ARHGEF3: variants seen among roughly 807,000 people sequenced by gnomAD.
The protein encoded by ARHGEF3 is Rho guanine nucleotide exchange factor 3.
Under a neutral mutation model 63.2 loss-of-function variants are expected in ARHGEF3, and 28 were observed. The observed-to-expected ratio is 0.44, with a 90% CI of 0.33 to 0.61. ARHGEF3 has a LOEUF of 0.61. ARHGEF3 is among the 20% of genes least tolerant of loss of function. The probability of loss-of-function intolerance (pLI) is 0.03; values close to 1 mark genes in which losing one functional copy is unlikely to be tolerated. For synonymous variants in ARHGEF3, 266 were observed against 254.2 expected (o/e 1.05, Z -0.44); for missense variants, 533 against 659.3 (o/e 0.81, Z 2.10).
intron 1 of ARHGEF3, among the ~76,000 whole-genome samples, chr3:57,068,410 G>A (rs1352095457): frequency 6.6e-6 from 1 of 152,174 alleles, no homozygotes; most frequent in African/African-American, 2.4e-5. Context: ...ACTCACTGCA[G>A]TGCTGTTTAA....
intron 3 of ARHGEF3, among the ~76,000 whole-genome samples, chr3:56,953,170 C>A (rs1353096370): frequency 6.6e-6 from 1 of 152,196 alleles, no homozygotes; most frequent in African/African-American, 2.4e-5. Context: ...TTGCTGGCTT[C>A]TTTTGCAGTG....
At chr3:56,951,366 A>G (rs1305809306) in intron 3 of ARHGEF3, among the ~76,000 whole-genome samples, 1 of 152,002 alleles carries the variant, frequency 6.6e-6, no homozygotes, top group Non-Finnish European at 1.5e-5. Flanking sequence ...ATCAGCAGCC[A>G]TCATCATTGA....
intron 4 of ARHGEF3, among the ~76,000 whole-genome samples, chr3:56,825,961 G>C (rs537861427): frequency 1.3e-5 from 2 of 152,176 alleles, no homozygotes; most frequent in Non-Finnish European, 2.9e-5. Context: ...CTTCCTTCTA[G>C]TAACTGGTTC....
At chr3:56,752,955 C>G (rs1352228599) in intron 4 of ARHGEF3, among the ~76,000 whole-genome samples, 1 of 152,148 alleles carries the variant, frequency 6.6e-6, no homozygotes, top group Non-Finnish European at 1.5e-5. Flanking sequence ...AGCCTCCAAG[C>G]CATGGAGTTG....
chr3:57,008,002 G>A (rs1437625947), intron 2 of ARHGEF3, among the ~76,000 whole-genome samples: 6 of 152,180 alleles, frequency 3.9e-5, no homozygotes, highest in African/African-American at 1.4e-4. Flanking sequence ...TCCAGGGGCA[G>A]TCTGGACTTT....
rs771018864 is a variant in ARHGEF3 at position 56,729,355 on chromosome 3, G to A, written c.1496C>T (p.Thr499Met). The A allele has an allele frequency of 5.6e-6, 9 of 1,614,062 alleles. No homozygotes were observed. The East Asian group carries it at 6.7e-5, about 12-fold the overall frequency. Residue 499 changes from threonine (T) to methionine (M), a missense_variant, in exon 10 of 10, where the codon ACG becomes ATG. Thr to Met is a moderately conservative substitution (Grantham distance 81). Around this residue, in one of 4 missense-constraint regions of ARHGEF3, gnomAD observed 115 missense variants for 103.4 expected, o/e 1.11. Transcript: ENST00000296315. ...SDSESDCSMDTSEVSLDCERM... is the reference protein window; with the variant it reads ...SDSESDCSMDMSEVSLDCERM... Reference sequence around the variant, plus strand: ...CTCACAGTCGAGGCTGACCTCACTCGTGTCCATACTACAGTCTGACTCACT... The same window carrying A: ...CTCACAGTCGAGGCTGACCTCACTCATGTCCATACTACAGTCTGACTCACT...
chr3:57,002,130 C>T (rs1008888745), intron 2 of ARHGEF3, among the ~76,000 whole-genome samples: 17 of 151,598 alleles, frequency 1.1e-4, no homozygotes, highest in Middle Eastern at 3.4e-3. Context: ...TCACCATGGT[C>T]TCGATCTCCT....
At chr3:56,960,070 T>C (rs1700214374) in intron 2 of ARHGEF3, among the ~76,000 whole-genome samples, 1 of 152,228 alleles carries the variant, frequency 6.6e-6, no homozygotes. Flanking sequence ...GCAGAAAGCA[T>C]GTAGTGACCA....
intron 1 of ARHGEF3, among the ~76,000 whole-genome samples, chr3:57,048,283 C>G (rs1433226835): frequency 6.6e-6 from 1 of 152,216 alleles, no homozygotes; most frequent in Non-Finnish European, 1.5e-5. Context: ...TTATGGAGCT[C>G]AGCCAGTCAA....
intron 7 of ARHGEF3, among the ~76,000 whole-genome samples, chr3:56,742,671 A>G (rs909580234): frequency 6.6e-6 from 1 of 150,454 alleles, no homozygotes. Flanking sequence ...CTGTAAAGGG[A>G]AAAAAAAAAT....
chr3:56,737,835 A>G (rs1323972299), intron 7 of ARHGEF3, among the ~76,000 whole-genome samples: 1 of 152,210 alleles, frequency 6.6e-6, no homozygotes, highest in Non-Finnish European at 1.5e-5. Flanking sequence ...ATGTATGAAC[A>G]ATATTTGCAG....
chr3:57,025,338 A>T (rs939292423), intron 2 of ARHGEF3, among the ~76,000 whole-genome samples: 1 of 152,140 alleles, frequency 6.6e-6, no homozygotes, highest in Non-Finnish European at 1.5e-5. Flanking sequence ...ACAATGACAC[A>T]ATGATCCACG....
chr3:57,014,001 CTT>C (rs1702833493), intron 2 of ARHGEF3, among the ~76,000 whole-genome samples: 1 of 152,226 alleles, frequency 6.6e-6, no homozygotes, highest in Non-Finnish European at 1.5e-5. Context: ...GCTGCTCACT[CTT>C]TGGATCTGCA....
chr3:56,794,892 A>G (rs1439767652), intron 1 of ARHGEF3, among the ~76,000 whole-genome samples: 2 of 151,490 alleles, frequency 1.3e-5, no homozygotes, highest in East Asian at 1.9e-4. Flanking sequence ...GGGTCTCCCT[A>G]TTTCACCCAG....
intron 1 of ARHGEF3, among the ~76,000 whole-genome samples, chr3:56,792,262 T>C (rs2037127403): frequency 6.6e-6 from 1 of 152,218 alleles, no homozygotes; most frequent in Non-Finnish European, 1.5e-5. Context: ...CTACATCCCA[T>C]ATGCACACAT....
chr3:56,770,424 A>G (rs982356670), intron 2 of ARHGEF3, among the ~76,000 whole-genome samples: 1 of 151,736 alleles, frequency 6.6e-6, no homozygotes, highest in Non-Finnish European at 1.5e-5. Context: ...ATTAAATTAA[A>G]TTAAATTAAA....
chr3:56,776,811 C>G (rs1240847893), intron 1 of ARHGEF3, among the ~76,000 whole-genome samples: 1 of 152,124 alleles, frequency 6.6e-6, no homozygotes, highest in East Asian at 1.9e-4. Context: ...CCAGACCAAG[C>G]TGGGCAAGGT....
chr3:57,004,202 A>C (rs894504003), intron 2 of ARHGEF3, among the ~76,000 whole-genome samples: 1 of 152,234 alleles, frequency 6.6e-6, no homozygotes, highest in Admixed American at 6.5e-5. Context: ...CCTTCCCAGC[A>C]GAATGTCCTC....
intron 1 of ARHGEF3, among the ~76,000 whole-genome samples, chr3:57,055,361 T>C (rs1362645582): frequency 6.6e-6 from 1 of 152,066 alleles, no homozygotes; most frequent in Non-Finnish European, 1.5e-5. Flanking sequence ...GGGGTTCCAC[T>C]ATGTTGACCA....
Sources: allele counts gnomAD v4.1 joint callset (sites outside exome capture counted in the v4.1 genomes callset), GRCh38; gene constraint gnomAD v4.1.1; regional missense constraint gnomAD v4.1.1; transcripts MANE v1.5; gene names NCBI Gene and HGNC (gene_info 2026-07-23, HGNC 2026-07-21).